Variants in GMDS observed in about 807,000 individuals in gnomAD.
GMDS encodes GDP-mannose 4,6-dehydratase, also known as GDP-mannose 4,6 dehydratase.
Under a neutral mutation model 49.9 loss-of-function variants are expected in GMDS, and 20 were observed. That is an observed-to-expected ratio of 0.40 (90% confidence interval 0.28 to 0.58). GMDS has a LOEUF of 0.58. GMDS is among the 20% of genes least tolerant of loss of function. The pLI is 0.42. For missense variants in GMDS, 362 were observed against 481.4 expected (o/e 0.75, Z 2.32); for synonymous variants, 177 against 178.6 (o/e 0.99, Z 0.07).
At chr6:2,008,812 C>T (rs972750273) in intron 4 of GMDS, among the ~76,000 whole-genome samples, 4 of 146,886 alleles carry the variant, frequency 2.7e-5, no homozygotes, top group African/African-American at 9.8e-5. Flanking sequence ...GACATGTGCT[C>T]CACAGCACTG....
At chr6:2,145,190 A>T (rs1395080881) in intron 1 of GMDS, among the ~76,000 whole-genome samples, 2 of 152,220 alleles carry the variant, frequency 1.3e-5, no homozygotes, top group Non-Finnish European at 2.9e-5. Context: ...CTCACATATA[A>T]CAGAAACATT....
intron 9 of GMDS, among the ~76,000 whole-genome samples, chr6:1,627,309 T>C (rs1236070740): frequency 1.3e-5 from 2 of 152,134 alleles, no homozygotes; most frequent in African/African-American, 4.8e-5. Flanking sequence ...ACTTAAAGGG[T>C]GGCGTGGGGA....
At chr6:1,997,137 G>T (rs1044896751) in intron 4 of GMDS, among the ~76,000 whole-genome samples, 1 of 151,984 alleles carries the variant, frequency 6.6e-6, no homozygotes, top group Non-Finnish European at 1.5e-5. Flanking sequence ...GGTGCTGGCA[G>T]ATAGCAAAGT....
chr6:1,838,364 A>C (rs972436303), intron 7 of GMDS, among the ~76,000 whole-genome samples: 35 of 152,348 alleles, frequency 2.3e-4, no homozygotes, highest in African/African-American at 7.9e-4. Context: ...TCTCTCAAAC[A>C]CTAGCATTAT....
chr6:1,777,021 G>T (rs1003464399), intron 7 of GMDS, among the ~76,000 whole-genome samples: 1 of 152,220 alleles, frequency 6.6e-6, no homozygotes, highest in Non-Finnish European at 1.5e-5. Flanking sequence ...AGATAATCAT[G>T]AGTGTGAAAA....
chr6:1,997,353 C>T (rs865796912), intron 4 of GMDS, among the ~76,000 whole-genome samples: 2 of 151,680 alleles, frequency 1.3e-5, no homozygotes, highest in African/African-American at 4.8e-5. Flanking sequence ...ACTAAAAATA[C>T]AAAAATTAGC....
At chr6:1,751,276 G>A (rs749212495) in intron 7 of GMDS, among the ~76,000 whole-genome samples, 6 of 152,158 alleles carry the variant, frequency 3.9e-5, no homozygotes, top group African/African-American at 1.2e-4. Flanking sequence ...CCTCCTGACC[G>A]GGAGATACCT....
chr6:1,919,573 T>A (rs1235639714), intron 7 of GMDS, among the ~76,000 whole-genome samples: 3 of 152,244 alleles, frequency 2.0e-5, no homozygotes, highest in African/African-American at 7.2e-5. Flanking sequence ...GACTTTCACT[T>A]AACTATACCT....
At chr6:1,782,378 C>A (rs974588535) in intron 7 of GMDS, among the ~76,000 whole-genome samples, 28 of 152,178 alleles carry the variant, frequency 1.8e-4, no homozygotes, top group Non-Finnish European at 3.7e-4. Context: ...ACTTATTTAT[C>A]TTGAGTAAGG....
At chr6:1,780,098 C>G (rs376888945) in intron 7 of GMDS, among the ~76,000 whole-genome samples, 1 of 152,338 alleles carries the variant, frequency 6.6e-6, no homozygotes. Context: ...CGAAAAAGAG[C>G]GAAGTGAATC....
chr6:1,734,988 A>G (rs1766952280), intron 8 of GMDS, among the ~76,000 whole-genome samples: 1 of 152,244 alleles, frequency 6.6e-6, no homozygotes, highest in African/African-American at 2.4e-5. Context: ...GCTACCTCGC[A>G]CAGCTCATTA....
At chr6:1,750,838 G>A (rs897977366) in intron 7 of GMDS, among the ~76,000 whole-genome samples, 3 of 152,170 alleles carry the variant, frequency 2.0e-5, no homozygotes, top group African/African-American at 7.2e-5. Flanking sequence ...AATTCCCGCT[G>A]CCAGCACAGC....
At chr6:2,034,952 T>C (rs1325927716) in intron 4 of GMDS, among the ~76,000 whole-genome samples, 7 of 152,042 alleles carry the variant, frequency 4.6e-5, no homozygotes, top group Admixed American at 6.6e-5. Context: ...CTGAGGATGG[T>C]TGGGGGGAAA....
intron 1 of GMDS, among the ~76,000 whole-genome samples, chr6:2,175,235 AG>A (rs1321188925): frequency 7.9e-5 from 12 of 152,272 alleles, no homozygotes; most frequent in Non-Finnish European, 7.3e-5. Context: ...ACTCAAAAAG[AG>A]AACAGCACAT....
chr6:2,039,112 C>T lies in GMDS; in HGVS notation c.345+76659G>A, dbSNP rs3004058. On this transcript the variant is annotated intron_variant, in intron 4 of 10. Transcript: ENST00000380815. ...CTAGGCTCCCAACCTGTACAGCAGG[C>T]TGCTGTACTGAATACTGTAGGCAAC... Among the ~76,000 whole-genome samples, 8 of 152,176 alleles carry T rather than the reference C, an allele frequency of 5.3e-5. No homozygotes were observed. In the East Asian group the frequency reaches 1.5e-3, roughly 29 times the overall value.
intron 4 of GMDS, among the ~76,000 whole-genome samples, chr6:2,012,628 T>G (rs147407514): frequency 9.2e-5 from 14 of 152,304 alleles, no homozygotes; most frequent in African/African-American, 2.9e-4. Flanking sequence ...AATTATTCTT[T>G]TTTATTTTTT....
intron 4 of GMDS, among the ~76,000 whole-genome samples, chr6:2,072,086 A>ATGTGTGTGTGTATTGCC (rs1428599936): frequency 6.6e-6 from 1 of 152,114 alleles, no homozygotes. Flanking sequence ...TGTGTATTGC[A>ATGTGTGTGTGTATTGCC]TGTCTGTGTG....
intron 7 of GMDS, among the ~76,000 whole-genome samples, chr6:1,887,797 T>TC (rs1759677531): frequency 1.3e-5 from 2 of 152,218 alleles, no homozygotes; most frequent in African/African-American, 4.8e-5. Flanking sequence ...CCAAGGATGC[T>TC]CAACTCCCTT....
At chr6:2,104,915 G>C (rs748362986) in intron 4 of GMDS, among the ~76,000 whole-genome samples, 8 of 151,928 alleles carry the variant, frequency 5.3e-5, no homozygotes, top group African/African-American at 2.4e-5. Context: ...GGGTGCGGTG[G>C]CTCACGCCTA....
Sources: allele counts gnomAD v4.1 joint callset (sites outside exome capture counted in the v4.1 genomes callset), GRCh38; gene constraint gnomAD v4.1.1; transcripts MANE v1.5; gene names NCBI Gene and HGNC (gene_info 2026-07-23, HGNC 2026-07-21).